KANK1: variants seen among roughly 807,000 people sequenced by gnomAD.
KANK1 encodes KN motif and ankyrin repeat domains 1.
A neutral mutation model predicts 106.2 loss-of-function variants in KANK1; 109 were observed. That is an observed-to-expected ratio of 1.03 (90% confidence interval 0.88 to 1.20). The LOEUF is 1.20. Ranked by LOEUF, KANK1 falls within the 50% of genes most tolerant of loss-of-function variation. KANK1 has a pLI of 0.00. For missense variants in KANK1, 2,399 were observed against 1,710.7 expected, an observed-to-expected ratio of 1.40 and a Z score of -7.10; for synonymous variants, 873 against 652.2, an observed-to-expected ratio of 1.34 and a Z score of -5.16.
chr9:499,765 G>GT (rs2058518962), upstream of KANK1, among the ~76,000 whole-genome samples: 1 of 152,172 alleles, frequency 6.6e-6, no homozygotes, highest in Non-Finnish European at 1.5e-5. Context: ...TAGGAGAAAT[G>GT]CATACGAATT....
chr9:717,528 G>T (rs1343982945), intron 3 of KANK1, among the ~76,000 whole-genome samples: 1 of 152,132 alleles, frequency 6.6e-6, no homozygotes, highest in African/African-American at 2.4e-5. Flanking sequence ...GAGAGACAAT[G>T]TCTTGGTTTT....
At chr9:655,961 C>G (rs1026919054) in intron 1 of KANK1, among the ~76,000 whole-genome samples, 2 of 152,192 alleles carry the variant, frequency 1.3e-5, no homozygotes, top group African/African-American at 4.8e-5. Flanking sequence ...AGGATCTTGC[C>G]TTCTGGCTTC....
intron 1 of KANK1, among the ~76,000 whole-genome samples, chr9:536,144 C>T (rs954206237): frequency 2.6e-5 from 4 of 152,026 alleles, no homozygotes; most frequent in Non-Finnish European, 5.9e-5. Context: ...TAAAGACCAT[C>T]CTGGTTAACA....
chr9:509,347 C>G (rs1005824787), intron 1 of KANK1, among the ~76,000 whole-genome samples: 1 of 152,156 alleles, frequency 6.6e-6, no homozygotes, highest in Non-Finnish European at 1.5e-5. Context: ...CCACCCACCT[C>G]GGCCTCCCAA....
At chr9:552,854 C>A (rs1057107055) in intron 1 of KANK1, among the ~76,000 whole-genome samples, 2 of 152,176 alleles carry the variant, frequency 1.3e-5, no homozygotes, top group Non-Finnish European at 2.9e-5. Context: ...TAGAAATGAA[C>A]ATGATTGTGG....
intron 1 of KANK1, among the ~76,000 whole-genome samples, chr9:589,158 C>G (rs1315436107): frequency 6.6e-6 from 1 of 152,166 alleles, no homozygotes; most frequent in African/African-American, 2.4e-5. Flanking sequence ...CAGTGCACTT[C>G]CACACACATT....
intron 1 of KANK1, among the ~76,000 whole-genome samples, chr9:542,021 G>A (rs2060632277): frequency 2.0e-5 from 3 of 151,696 alleles, no homozygotes; most frequent in African/African-American, 2.4e-5. Flanking sequence ...CCCGGGAGGC[G>A]GAGCTTGCAG....
intron 1 of KANK1, among the ~76,000 whole-genome samples, chr9:581,212 AG>A (rs923131360): frequency 6.6e-6 from 1 of 152,128 alleles, no homozygotes; most frequent in African/African-American, 2.4e-5. Flanking sequence ...CAGCCCAGAG[AG>A]GGGCTCCCAC....
intron 3 of KANK1, among the ~76,000 whole-genome samples, chr9:473,976 G>A (rs2058063580): frequency 6.6e-6 from 1 of 152,206 alleles, no homozygotes; most frequent in South Asian, 2.1e-4. Context: ...GGGATTATAG[G>A]TGTGAGCCAG....
At chr9:564,061 T>TG (rs1563775693) in intron 1 of KANK1, among the ~76,000 whole-genome samples, 1 of 142,322 alleles carries the variant, frequency 7.0e-6, no homozygotes, top group African/African-American at 3.1e-5. Flanking sequence ...GCACTTTCTT[T>TG]CTTTTTTTTT....
intron 1 of KANK1, among the ~76,000 whole-genome samples, chr9:515,794 A>G (rs1001412690): frequency 9.9e-5 from 15 of 151,800 alleles, no homozygotes; most frequent in Non-Finnish European, 1.9e-4. Flanking sequence ...TAAGCTATAT[A>G]TTGTGAGGCT....
At chr9:700,127 C>G (rs558784033) in intron 2 of KANK1, among the ~76,000 whole-genome samples, 1 of 152,326 alleles carries the variant, frequency 6.6e-6, no homozygotes, top group African/African-American at 2.4e-5. Context: ...AGGTGCCCAT[C>G]ATTTGAATGC....
At chr9:693,533 T>G (rs866593842) in intron 2 of KANK1, 1 of 985,320 alleles carries the variant, frequency 1.0e-6, no homozygotes. Context: ...GCCTCTTTTT[T>G]AAGATCTTGC....
intron 2 of KANK1, among the ~76,000 whole-genome samples, chr9:705,559 T>G (rs1256884548): frequency 2.0e-5 from 3 of 149,814 alleles, no homozygotes; most frequent in Admixed American, 6.7e-5. Flanking sequence ...GGTGTGTGGT[T>G]GGGAGAGGAA....
intron 2 of KANK1, among the ~76,000 whole-genome samples, chr9:677,876 G>A (rs549806579): frequency 4.6e-5 from 7 of 152,182 alleles, no homozygotes; most frequent in Non-Finnish European, 5.9e-5. Flanking sequence ...AGCACTAACC[G>A]TGAAATATTG....
At chr9:659,051 C>CT (rs1563940192) in intron 1 of KANK1, among the ~76,000 whole-genome samples, 2 of 152,146 alleles carry the variant, frequency 1.3e-5, no homozygotes, top group South Asian at 4.2e-4. Flanking sequence ...ACGTTTATAA[C>CT]TTTTTTTGTT....
At chr9:500,705 C>A (rs897362098), upstream of KANK1, among the ~76,000 whole-genome samples, 1 of 152,098 alleles carries the variant, frequency 6.6e-6, no homozygotes, top group Non-Finnish European at 1.5e-5. Context: ...AAAGGAGGGA[C>A]CTAAACTGAA....
At chr9:719,417 C>G (rs1828704977) in intron 3 of KANK1, among the ~76,000 whole-genome samples, 1 of 152,126 alleles carries the variant, frequency 6.6e-6, no homozygotes, top group African/African-American at 2.4e-5. Context: ...TTTAGATGTT[C>G]TTTAAAAATT....
chr9:744,580 C>G lies in KANK1; in HGVS notation c.3987C>G (p.Ala1329=), dbSNP rs1163717869. Residue 1329 remains alanine, a synonymous_variant, in exon 11 of 12, where the codon GCC becomes GCG. Transcript: ENST00000382297. ...LLYAHVNFAK[A]QSPGTPRLGR... ...ATGCCCATGTCAACTTTGCAAAAGC[C>G]CAGTCTCCGGTCAGTGTTGTGCATT... 1 of 1,614,016 alleles carries G rather than the reference C, an allele frequency of 6.2e-7. No individual in the cohort carries two copies. Among genetic ancestry groups the G allele is most frequent in the Admixed American group, 1.7e-5 (1 of 60,006 alleles).
Sources: allele counts gnomAD v4.1 joint callset (sites outside exome capture counted in the v4.1 genomes callset), GRCh38; gene constraint gnomAD v4.1.1; transcripts MANE v1.5; gene names NCBI Gene and HGNC (gene_info 2026-07-23, HGNC 2026-07-21).